The following KIF2A variants were observed in gnomAD, a reference collection of about 807,000 sequenced individuals.
KIF2A encodes the protein kinesin family member 2A.
In KIF2A, 22 loss-of-function variants were observed where a neutral mutation model predicts 100.2. The observed-to-expected ratio is 0.22, with a 90% CI of 0.16 to 0.31. KIF2A has a LOEUF of 0.31. Ranked by LOEUF, KIF2A falls within the 10% of genes least tolerant of loss-of-function variation. The pLI is 1.00. For missense variants in KIF2A, 495 were observed against 898.7 expected, an observed-to-expected ratio of 0.55 and a Z score of 5.74; for synonymous variants, 268 against 285.9, an observed-to-expected ratio of 0.94 and a Z score of 0.63.
chr5:62,368,960 T>C (rs1741203038), intron 16 of KIF2A, among the ~76,000 whole-genome samples: 1 of 152,210 alleles, frequency 6.6e-6, no homozygotes, highest in Admixed American at 6.5e-5. Context: ...AAAATGTTTC[T>C]TATTTCAGAA....
chr5:62,374,426 A>G (rs1741451741), intron 18 of KIF2A, among the ~76,000 whole-genome samples: 1 of 152,030 alleles, frequency 6.6e-6, no homozygotes, highest in Admixed American at 6.6e-5. Flanking sequence ...GAAGTTTCCA[A>G]CTCCCAATCT....
At chr5:62,322,130 C>T (rs1746124012) in intron 1 of KIF2A, among the ~76,000 whole-genome samples, 1 of 151,628 alleles carries the variant, frequency 6.6e-6, no homozygotes, top group South Asian at 2.1e-4. Context: ...CAAGGTCTCA[C>T]TATGTTACCC....
intron 1 of KIF2A, among the ~76,000 whole-genome samples, chr5:62,310,917 C>T (rs1745522957): frequency 1.3e-5 from 2 of 151,724 alleles, no homozygotes; most frequent in Non-Finnish European, 2.9e-5. Context: ...GCTGTGACTA[C>T]CCTTTGGGGA....
In KIF2A at chr5:62,375,334, T is replaced by C. The variant is rs142282851; in HGVS notation, c.1911+1497T>C. ...ATTTTCTCATCATGTTAAGTTAGCATTGATTAGTTGCTTACTACATGACAT... is the reference window on the plus strand; with the variant it reads ...ATTTTCTCATCATGTTAAGTTAGCACTGATTAGTTGCTTACTACATGACAT... On this transcript the variant is annotated intron_variant, in intron 18 of 20. Transcript: ENST00000407818. Among the ~76,000 whole-genome samples the C allele has an allele frequency of 3.1e-3, 478 of 152,354 alleles. 4 individuals carry two copies. The highest frequency in any genetic ancestry group is 0.011 in the African/African-American group (456 of 41,592).
chr5:62,342,249 G>C (rs1008389952), intron 1 of KIF2A, among the ~76,000 whole-genome samples: 1 of 152,132 alleles, frequency 6.6e-6, no homozygotes, highest in Non-Finnish European at 1.5e-5. Context: ...TGATTGATGC[G>C]GGGCTTGATG....
chr5:62,313,007 GTTTC>G (rs1745628786), intron 1 of KIF2A, among the ~76,000 whole-genome samples: 1 of 151,686 alleles, frequency 6.6e-6, no homozygotes, highest in Non-Finnish European at 1.5e-5. Flanking sequence ...GTGGTCTTAT[GTTTC>G]TTTTTTTTTT....
intron 1 of KIF2A, among the ~76,000 whole-genome samples, chr5:62,326,215 T>G (rs1746372352): frequency 6.6e-6 from 1 of 152,224 alleles, no homozygotes; most frequent in South Asian, 2.1e-4. Flanking sequence ...CCTGCCAGTA[T>G]CTTAAACTTA....
rs190893651 is a variant in KIF2A at position 62,373,424 on chromosome 5, T to C, written c.1761-263T>C. On this transcript the variant is annotated intron_variant, in intron 17 of 20. Coordinates refer to ENST00000407818, the MANE Select transcript of KIF2A (RefSeq NM_001098511.3). ...CAAGTTTTTTTCTTTGAATACTGAATCTACATACTGTTCTCATTTAATTTA... is the reference window on the plus strand; with the variant it reads ...CAAGTTTTTTTCTTTGAATACTGAACCTACATACTGTTCTCATTTAATTTA... 9.9e-5 allele frequency among the ~76,000 whole-genome samples: 15 copies of C among 152,122 alleles called. No homozygotes were observed. In the East Asian group the frequency reaches 2.9e-3, roughly 29 times the overall value.
rs1483036962 is a variant in KIF2A at position 62,387,375 on chromosome 5, T to C, written c.*1806T>C. 2 of 152,192 alleles carry C rather than the reference T, an allele frequency of 1.3e-5. No homozygotes were observed. The highest frequency in any genetic ancestry group is 2.9e-5 in the Non-Finnish European group (2 of 68,022). 9.4% of individuals were successfully genotyped at this position (152,192 alleles called of 1,614,324 possible). ...AGATTAACCAACTTTCAAAGGGCAA[T>C]AAAGACATGTGAATTTGCTCATTTT... On this transcript the variant is annotated 3_prime_UTR_variant, in exon 21 of 21. Coordinates refer to ENST00000407818, the MANE Select transcript of KIF2A (RefSeq NM_001098511.3).
In KIF2A at chr5:62,306,384, C is replaced by T. The variant is rs1745268407; in HGVS notation, c.-89C>T. On this transcript the variant is annotated 5_prime_UTR_variant, in exon 1 of 21. Coordinates refer to ENST00000407818, the MANE Select transcript of KIF2A (RefSeq NM_001098511.3). ...CCGGCGCGGCCGCGGGCAACCGCTCCCCCTCCCACACCTACCCCGCCCCCT... is the reference window on the plus strand; with the variant it reads ...CCGGCGCGGCCGCGGGCAACCGCTCTCCCTCCCACACCTACCCCGCCCCCT... 2 of 937,254 alleles carry T rather than the reference C, an allele frequency of 2.1e-6. No homozygotes were observed. Among genetic ancestry groups the T allele is most frequent in the South Asian group, 3.0e-5 (2 of 66,030 alleles). 58.1% of individuals were successfully genotyped at this position (937,254 alleles called of 1,614,324 possible).
At chr5:62,323,804 G>A (rs1264549980) in intron 1 of KIF2A, among the ~76,000 whole-genome samples, 1 of 151,878 alleles carries the variant, frequency 6.6e-6, no homozygotes, top group Non-Finnish European at 1.5e-5. Context: ...TTGGGAGATC[G>A]AGGTGGGTGG....
chr5:62,333,085 C>CT (rs761245942), intron 1 of KIF2A, among the ~76,000 whole-genome samples: 2 of 152,318 alleles, frequency 1.3e-5, no homozygotes, highest in East Asian at 1.9e-4. Flanking sequence ...TTCTAACAGT[C>CT]TATCGATTAT....
At position 62,390,747 on chromosome 5, in the gene KIF2A, G is replaced by C; in HGVS notation, c.*5178G>C. ...TCTTCTACACCAAATACTATTCCAT[G>C]CCATGGAAGTGCTATGCAATAACTC... On this transcript the variant is annotated 3_prime_UTR_variant, in exon 21 of 21. Coordinates refer to ENST00000407818, the MANE Select transcript of KIF2A (RefSeq NM_001098511.3). The C allele has an allele frequency of 4.2e-6, 3 of 718,212 alleles. No individual in the cohort carries two copies. Among genetic ancestry groups the C allele is most frequent in the Non-Finnish European group, 7.3e-6 (3 of 408,374 alleles). The allele number at this position is 718,212 out of a possible 1,614,324, so 44.5% of individuals were successfully genotyped here. A position where few individuals can be genotyped will look rare whatever the true frequency, so the allele number is the denominator to read the frequency against.
chr5:62,351,076 A>G (rs1425708777), intron 4 of KIF2A, among the ~76,000 whole-genome samples: 3 of 151,876 alleles, frequency 2.0e-5, no homozygotes, highest in African/African-American at 7.3e-5. Flanking sequence ...TACTAAAAAT[A>G]CAAAAACTAG....
chr5:62,306,281 C>T lies in KIF2A; in HGVS notation c.-192C>T, dbSNP rs549814828. 1.9e-3 allele frequency: 1,052 copies of T among 547,478 alleles called. 6 individuals are homozygous for T. Among genetic ancestry groups the T allele is most frequent in the Non-Finnish European group, 2.3e-3 (724 of 310,678 alleles). 33.9% of individuals were successfully genotyped at this position (547,478 alleles called of 1,614,324 possible). ...CCCGGCGTGCGCGTCCTCCTGCCGG[C>T]CTGCAGGCCCGGGGCCTCCGCCTGC... On this transcript the variant is annotated 5_prime_UTR_variant, in exon 1 of 21. Transcript: ENST00000407818.
At chr5:62,351,136 G>C (rs1163976277) in intron 4 of KIF2A, among the ~76,000 whole-genome samples, 2 of 152,060 alleles carry the variant, frequency 1.3e-5, no homozygotes, top group Non-Finnish European at 2.9e-5. Context: ...GGAGGCTGAG[G>C]CAGGAGGATC....
At chr5:62,360,316 C>T (rs1392170898) in intron 9 of KIF2A, among the ~76,000 whole-genome samples, 1 of 151,920 alleles carries the variant, frequency 6.6e-6, no homozygotes, top group African/African-American at 2.4e-5. Context: ...GTGTACTGCT[C>T]AGGGGAAAAG....
chr5:62,366,602 C>G, intron 16 of KIF2A, 121 bp downstream of exon 16: 1 of 574,584 alleles, frequency 1.7e-6, no homozygotes, highest in Non-Finnish European at 3.1e-6. Context: ...GAGGCCCAGG[C>G]GGGCGGATCA....
At chr5:62,351,800 A>G (rs1455863602) in intron 4 of KIF2A, among the ~76,000 whole-genome samples, 1 of 151,468 alleles carries the variant, frequency 6.6e-6, no homozygotes, top group Non-Finnish European at 1.5e-5. Flanking sequence ...GTTGAAGCTA[A>G]GTTTTTACTC....
Sources: allele counts gnomAD v4.1 joint callset (sites outside exome capture counted in the v4.1 genomes callset), GRCh38; gene constraint gnomAD v4.1.1; transcripts MANE v1.5; gene names NCBI Gene and HGNC (gene_info 2026-07-23, HGNC 2026-07-21).